The following JPH3 variants were observed in gnomAD, a reference collection of about 807,000 sequenced individuals.
The protein encoded by JPH3 is junctophilin 3, also known as junctophilin-3.
Under a neutral mutation model 59.6 loss-of-function variants are expected in JPH3, and 11 were observed. That is an observed-to-expected ratio of 0.18 (90% CI 0.12 to 0.31). The LOEUF (loss-of-function observed/expected upper bound fraction) is 0.31, where lower values mean the gene tolerates loss of function less well. Among genes scored for constraint, JPH3 ranks in the 10% least tolerant of loss-of-function variants. JPH3 has a pLI of 1.00. For missense variants in JPH3, 1,202 were observed against 1,105.7 expected, an observed-to-expected ratio of 1.09 and a Z score of -1.24; for synonymous variants, 673 against 483.6, an observed-to-expected ratio of 1.39 and a Z score of -5.14.
chr16:87,657,082 C>T (rs1354272281), intron 2 of JPH3, among the ~76,000 whole-genome samples: 3 of 152,194 alleles, frequency 2.0e-5, no homozygotes, highest in Non-Finnish European at 1.5e-5. Context: ...GGAGGCTTCA[C>T]ATAGGAACCT....
chr16:87,637,816 T>G (rs1456771657), intron 1 of JPH3, among the ~76,000 whole-genome samples: 1 of 152,148 alleles, frequency 6.6e-6, no homozygotes, highest in African/African-American at 2.4e-5. Flanking sequence ...CTGGGTGGTG[T>G]TCCCATGCCG....
chr16:87,628,341 C>A (rs535449953), intron 1 of JPH3, among the ~76,000 whole-genome samples: 4 of 152,380 alleles, frequency 2.6e-5, no homozygotes, highest in African/African-American at 9.6e-5. Context: ...GGGCTGCCAC[C>A]TTGGGCGGTG....
chr16:87,674,041 A>AC (rs1253638704), intron 2 of JPH3, among the ~76,000 whole-genome samples: 1 of 151,346 alleles, frequency 6.6e-6, no homozygotes, highest in Non-Finnish European at 1.5e-5. Flanking sequence ...GTTAAAAAAA[A>AC]AAACAAAAAC....
At chr16:87,650,915 C>G (rs371607029) in intron 2 of JPH3, among the ~76,000 whole-genome samples, 10 of 152,324 alleles carry the variant, frequency 6.6e-5, no homozygotes, top group African/African-American at 2.2e-4. Context: ...GGTGGCTACA[C>G]TAAACAGATT....
At chr16:87,679,236 T>G (rs1229854772) in intron 2 of JPH3, among the ~76,000 whole-genome samples, 1 of 152,104 alleles carries the variant, frequency 6.6e-6, no homozygotes, top group Non-Finnish European at 1.5e-5. Flanking sequence ...TTGCTTAGGG[T>G]TTCTCTCTTT....
At chr16:87,682,838 C>T (rs1198791190) in intron 2 of JPH3, among the ~76,000 whole-genome samples, 1 of 152,194 alleles carries the variant, frequency 6.6e-6, no homozygotes, top group Non-Finnish European at 1.5e-5. Context: ...ACTGGCAGGC[C>T]CCCCCGGGGG....
chr16:87,669,056 G>A lies in JPH3; in HGVS notation c.1161-15086G>A, dbSNP rs912121930. On this transcript the variant is annotated intron_variant, in intron 2 of 4. Coordinates refer to ENST00000284262, the MANE Select transcript of JPH3 (RefSeq NM_020655.4). ...AGCACTGAGAATTAGTAAGGAAATC[G>A]CCGCTGCATCTCCCGGTGGCACAGG... Among the ~76,000 whole-genome samples the A allele has an allele frequency of 2.0e-5, 3 of 152,170 alleles. No individual in the cohort carries two copies. In the South Asian group the frequency reaches 6.2e-4, roughly 32 times the overall value.
intron 1 of JPH3, among the ~76,000 whole-genome samples, chr16:87,630,012 A>C (rs760265644): frequency 2.3e-4 from 35 of 152,264 alleles, no homozygotes; most frequent in Non-Finnish European, 4.3e-4. Flanking sequence ...AAAAAAGACC[A>C]CATGAACCCA....
In JPH3 at chr16:87,679,390, C is replaced by T. The variant is rs988555076; in HGVS notation, c.1161-4752C>T. Among the ~76,000 whole-genome samples the T allele has an allele frequency of 2.0e-5, 3 of 152,338 alleles. No homozygotes were observed. In the East Asian group the frequency reaches 5.8e-4, roughly 29 times the overall value. On this transcript the variant is annotated intron_variant, in intron 2 of 4. Transcript: ENST00000284262. ...GACCTCCTGTCTTTAACAACCCAGCCTGGGTCAGGTCTGATGAAATGCACT... is the reference window on the plus strand; with the variant it reads ...GACCTCCTGTCTTTAACAACCCAGCTTGGGTCAGGTCTGATGAAATGCACT...
At chr16:87,672,911 G>T (rs1223920283) in intron 2 of JPH3, among the ~76,000 whole-genome samples, 1 of 152,194 alleles carries the variant, frequency 6.6e-6, no homozygotes, top group Non-Finnish European at 1.5e-5. Context: ...TTGGGAGGCC[G>T]ACATGGGCAC....
At chr16:87,664,332 A>C (rs1309476849) in intron 2 of JPH3, among the ~76,000 whole-genome samples, 2 of 66,782 alleles carry the variant, frequency 3.0e-5, no homozygotes, top group Admixed American at 1.2e-4. Flanking sequence ...ACTCTGTCTG[A>C]AAAAAAAAAA....
intron 3 of JPH3, among the ~76,000 whole-genome samples, chr16:87,687,953 G>A (rs1438026314): frequency 1.3e-5 from 2 of 152,222 alleles, no homozygotes; most frequent in Non-Finnish European, 2.9e-5. Context: ...GAGGTACGAT[G>A]TGGGTGATCC....
chr16:87,605,319 G>T (rs1416929635), intron 1 of JPH3, among the ~76,000 whole-genome samples: 1 of 152,204 alleles, frequency 6.6e-6, no homozygotes, highest in African/African-American at 2.4e-5. Context: ...GAGTCCTGAG[G>T]AATCATTTCT....
In JPH3 at chr16:87,690,422, C is replaced by A. The variant is rs557307597; in HGVS notation, c.2062C>A (p.Pro688Thr). 1.3e-6 allele frequency: 2 copies of A among 1,499,648 alleles called. No homozygotes were observed. Among genetic ancestry groups the A allele is most frequent in the Non-Finnish European group, 1.8e-6 (2 of 1,127,232 alleles). The allele number at this position is 1,499,648 out of a possible 1,614,324, so 92.9% of individuals were successfully genotyped here. ...GAGCCTGCGGCTGGGCGGGGCCGAG[C>A]CCCGGTTGCTGCGTTGGGACTTGAC... The part of the protein sequence containing the change: ...LASLRLGGAE[P>T]RLLRWDLTFS... Residue 688 changes from proline (P) to threonine (T), a missense_variant, in exon 4 of 5, where the codon CCC (proline) becomes ACC (threonine). Physicochemically the swap from Pro to Thr is conservative, Grantham distance 38. Coordinates refer to ENST00000284262, the MANE Select transcript of JPH3 (RefSeq NM_020655.4).
At chr16:87,647,234 C>G (rs2032182287) in intron 2 of JPH3, among the ~76,000 whole-genome samples, 1 of 151,890 alleles carries the variant, frequency 6.6e-6, no homozygotes, top group Non-Finnish European at 1.5e-5. Context: ...GAGGGCGAGA[C>G]CTGAGACCCA....
intron 2 of JPH3, among the ~76,000 whole-genome samples, chr16:87,660,231 C>T (rs1212314288): frequency 6.6e-6 from 1 of 152,176 alleles, no homozygotes; most frequent in African/African-American, 2.4e-5. Flanking sequence ...TGGCGTCCCT[C>T]TGAGAAAGAC....
rs146980065 is a variant in JPH3 at position 87,608,081 on chromosome 16, G to A, written c.382+4553G>A. Among the ~76,000 whole-genome samples, 698 of 152,376 alleles carry A rather than the reference G, an allele frequency of 4.6e-3. 1 individual carries two copies. Among genetic ancestry groups the A allele is most frequent in the Admixed American group, 6.2e-3 (95 of 15,310 alleles). ...AATCCTGAGATGAGCTGGCCGGGGA[G>A]TGAGGACCGGCACCCGCCTACAGCA... On this transcript the variant is annotated intron_variant, in intron 1 of 4. Coordinates refer to ENST00000284262, the MANE Select transcript of JPH3 (RefSeq NM_020655.4).
At chr16:87,624,521 C>T (rs1313237044) in intron 1 of JPH3, among the ~76,000 whole-genome samples, 2 of 152,342 alleles carry the variant, frequency 1.3e-5, no homozygotes, top group East Asian at 1.9e-4. Flanking sequence ...TATTCCACTG[C>T]GGGGCACCGC....
At chr16:87,670,868 C>G (rs62053822) in intron 2 of JPH3, among the ~76,000 whole-genome samples, 65,037 of 151,356 alleles carry the variant, frequency 0.43, 14,020 homozygotes, top group Middle Eastern at 0.52. Flanking sequence ...GGAATGGGGA[C>G]GGGAGGGGGG....
Sources: allele counts gnomAD v4.1 joint callset (sites outside exome capture counted in the v4.1 genomes callset), GRCh38; gene constraint gnomAD v4.1.1; transcripts MANE v1.5; gene names NCBI Gene and HGNC (gene_info 2026-07-23, HGNC 2026-07-21).